NLGN1: variants seen among roughly 807,000 people sequenced by gnomAD.
NLGN1 encodes the protein neuroligin-1.
In NLGN1, 12 loss-of-function variants were observed where a neutral mutation model predicts 65.5. That is an observed-to-expected ratio of 0.18 (90% CI 0.12 to 0.30). The LOEUF (loss-of-function observed/expected upper bound fraction) is 0.30. Ranked by LOEUF, NLGN1 falls within the 10% of genes least tolerant of loss-of-function variation. NLGN1 has a pLI of 1.00. For synonymous variants in NLGN1, 350 were observed against 359.5 expected (o/e 0.97, Z 0.30); for missense variants, 750 against 1,007.1 (o/e 0.74, Z 3.46).
chr3:173,872,782 C>T (rs1266003933), intron 4 of NLGN1, among the ~76,000 whole-genome samples: 2 of 152,202 alleles, frequency 1.3e-5, no homozygotes, highest in East Asian at 1.9e-4. Flanking sequence ...GATTATAAAG[C>T]TTTTAATCTA....
chr3:173,904,210 A>G (rs1737910250), intron 4 of NLGN1, among the ~76,000 whole-genome samples: 1 of 152,124 alleles, frequency 6.6e-6, no homozygotes, highest in Admixed American at 6.6e-5. Flanking sequence ...TTTTAAAATA[A>G]AAGAGGTATG....
chr3:173,893,497 G>A (rs991110118), intron 4 of NLGN1, among the ~76,000 whole-genome samples: 6 of 152,026 alleles, frequency 3.9e-5, no homozygotes, highest in Non-Finnish European at 7.4e-5. Flanking sequence ...TAGCACACAC[G>A]TATTAAGACA....
In NLGN1 at chr3:174,046,222, C is replaced by CA. The variant is rs150335586; in HGVS notation, c.647-229087dup. 2.7e-3 allele frequency among the ~76,000 whole-genome samples: 405 copies of CA among 152,194 alleles called. 2 individuals are homozygous for CA. The highest frequency in any genetic ancestry group is 9.1e-3 in the African/African-American group (377 of 41,550). On this transcript the variant is annotated intron_variant, in intron 4 of 6. Coordinates refer to ENST00000457714, the Ensembl canonical transcript of NLGN1. ...AGTAACTTGAAATTGCTTTCATATA[C>CA]AAAAAATGACAATAGTATTTCCTCA...
intron 2 of NLGN1, among the ~76,000 whole-genome samples, chr3:173,483,837 A>G (rs1727708103): frequency 6.6e-6 from 1 of 152,134 alleles, no homozygotes; most frequent in South Asian, 2.1e-4. Flanking sequence ...TCACTCCTCT[A>G]CTACTATCAC....
intron 4 of NLGN1, among the ~76,000 whole-genome samples, chr3:173,851,737 A>G (rs1320212407): frequency 1.3e-5 from 2 of 152,186 alleles, no homozygotes; most frequent in Admixed American, 1.3e-4. Context: ...ATCTAGTAAT[A>G]CTGGCTTAGG....
At chr3:173,430,018 G>C (rs1221332216) in intron 1 of NLGN1, among the ~76,000 whole-genome samples, 1 of 152,078 alleles carries the variant, frequency 6.6e-6, no homozygotes, top group East Asian at 1.9e-4. Context: ...TCACCCTACG[G>C]GCATTTATGA....
At chr3:173,576,017 A>G (rs1443048328) in intron 2 of NLGN1, among the ~76,000 whole-genome samples, 1 of 152,154 alleles carries the variant, frequency 6.6e-6, no homozygotes, top group Admixed American at 6.5e-5. Flanking sequence ...TTGAAAAGGA[A>G]TTATTCCAAG....
intron 2 of NLGN1, among the ~76,000 whole-genome samples, chr3:173,521,694 A>G (rs539268329): frequency 1.4e-4 from 22 of 152,318 alleles, no homozygotes; most frequent in Non-Finnish European, 2.9e-4. Flanking sequence ...AGTAATAATA[A>G]TAATGAAAAT....
At chr3:173,890,773 C>A (rs1735182675) in intron 4 of NLGN1, among the ~76,000 whole-genome samples, 1 of 152,112 alleles carries the variant, frequency 6.6e-6, no homozygotes, top group Non-Finnish European at 1.5e-5. Flanking sequence ...TCCGAGAGCT[C>A]CTTCACACAT....
chr3:173,837,585 TG>T (rs1439440142), intron 4 of NLGN1, among the ~76,000 whole-genome samples: 1 of 152,220 alleles, frequency 6.6e-6, no homozygotes, highest in Non-Finnish European at 1.5e-5. Context: ...CTCTGGTTTC[TG>T]AATCTTAGCA....
At chr3:174,129,045 T>A (rs779881427) in intron 4 of NLGN1, among the ~76,000 whole-genome samples, 3 of 152,060 alleles carry the variant, frequency 2.0e-5, no homozygotes, top group Non-Finnish European at 2.9e-5. Flanking sequence ...TTAAAACATG[T>A]CCAAACATGT....
At chr3:173,781,082 T>A (rs1781063603) in intron 3 of NLGN1, among the ~76,000 whole-genome samples, 1 of 134,594 alleles carries the variant, frequency 7.4e-6, no homozygotes, top group African/African-American at 2.9e-5. Context: ...AGGGTGGAGC[T>A]TGCCGTGAGC....
intron 2 of NLGN1, among the ~76,000 whole-genome samples, chr3:173,463,864 T>C (rs1341084705): frequency 2.6e-5 from 4 of 152,144 alleles, no homozygotes; most frequent in African/African-American, 7.2e-5. Flanking sequence ...TTTGAAAATA[T>C]TGTTTTATAT....
At chr3:173,610,941 C>G (rs1445189290) in intron 3 of NLGN1, among the ~76,000 whole-genome samples, 1 of 151,908 alleles carries the variant, frequency 6.6e-6, no homozygotes, top group Non-Finnish European at 1.5e-5. Flanking sequence ...TATTTTTATA[C>G]AACAGCAAAC....
chr3:174,052,544 T>A (rs931867469), intron 4 of NLGN1, among the ~76,000 whole-genome samples: 1 of 152,014 alleles, frequency 6.6e-6, no homozygotes, highest in African/African-American at 2.4e-5. Context: ...AACATTATAC[T>A]TCAATGCACT....
chr3:173,432,503 C>T (rs1717371485), intron 1 of NLGN1, among the ~76,000 whole-genome samples: 1 of 152,126 alleles, frequency 6.6e-6, no homozygotes, highest in East Asian at 1.9e-4. Context: ...TTTTTCTGTG[C>T]TTATTTACAT....
intron 4 of NLGN1, among the ~76,000 whole-genome samples, chr3:174,096,525 TAG>T (rs1745566969): frequency 6.6e-6 from 1 of 152,072 alleles, no homozygotes; most frequent in Non-Finnish European, 1.5e-5. Context: ...CAAAAGTAGA[TAG>T]AAGGTCGGTT....
At chr3:173,457,777 A>G (rs141384997) in intron 2 of NLGN1, among the ~76,000 whole-genome samples, 149 of 152,218 alleles carry the variant, frequency 9.8e-4, no homozygotes, top group African/African-American at 3.4e-3. Context: ...GGAGGTGGAG[A>G]TGATGAAAAA....
chr3:173,695,051 C>T (rs1766007929), intron 3 of NLGN1, among the ~76,000 whole-genome samples: 1 of 152,012 alleles, frequency 6.6e-6, no homozygotes, highest in Non-Finnish European at 1.5e-5. Context: ...AGACTTTTAG[C>T]TATATATGTT....
Sources: gnomAD v4.1 joint callset for allele counts (sites outside exome capture counted in the v4.1 genomes callset) on GRCh38, gnomAD v4.1.1 for gene constraint, MANE v1.5 for transcripts, NCBI Gene and HGNC (gene_info 2026-07-23, HGNC 2026-07-21) for gene names.